Variants in BACH2 observed in about 807,000 individuals in gnomAD.
BACH2 encodes BACH transcriptional regulator 2.
Under a neutral mutation model 61.8 loss-of-function variants are expected in BACH2, and 5 were observed. That is an observed-to-expected ratio of 0.08 (90% CI 0.04 to 0.17). The LOEUF is 0.17. BACH2 is among the 10% of genes least tolerant of loss of function. The probability of loss-of-function intolerance (pLI) is 1.00; values close to 1 mark genes in which losing one functional copy is unlikely to be tolerated. For synonymous variants in BACH2, 446 were observed against 440.1 expected, an observed-to-expected ratio of 1.01 and a Z score of -0.17; for missense variants, 824 against 1,091.1, an observed-to-expected ratio of 0.76 and a Z score of 3.45.
intron 5 of BACH2, among the ~76,000 whole-genome samples, chr6:90,019,856 C>T (rs1416676708): frequency 3.3e-5 from 5 of 152,124 alleles, no homozygotes; most frequent in Admixed American, 3.3e-4. Context: ...GCTAACAGGG[C>T]AGGTTTAGAA....
chr6:90,070,506 T>C (rs192701824), intron 5 of BACH2, among the ~76,000 whole-genome samples: 69 of 152,166 alleles, frequency 4.5e-4, no homozygotes, highest in African/African-American at 1.5e-3. Context: ...GCGGTTGGGG[T>C]TGATGTCCCA....
chr6:90,074,278 G>A (rs780271755), intron 5 of BACH2, among the ~76,000 whole-genome samples: 9 of 152,146 alleles, frequency 5.9e-5, no homozygotes, highest in Non-Finnish European at 1.3e-4. Context: ...ATAGCCTTAT[G>A]TCATATGTGA....
intron 6 of BACH2, among the ~76,000 whole-genome samples, chr6:89,978,633 TAAAAAA>T (rs753724278): frequency 8.1e-5 from 7 of 86,036 alleles, no homozygotes; most frequent in Admixed American, 5.8e-4. Context: ...GTGTTGGCTT[TAAAAAA>T]AAAAAAAAAA....
intron 4 of BACH2, among the ~76,000 whole-genome samples, chr6:90,197,472 G>A (rs1768799011): frequency 6.6e-6 from 1 of 152,158 alleles, no homozygotes; most frequent in South Asian, 2.1e-4. Context: ...TCTCTTAATT[G>A]TATCTATTAA....
chr6:90,291,755 G>C (rs973726008), intron 1 of BACH2, among the ~76,000 whole-genome samples: 1 of 152,092 alleles, frequency 6.6e-6, no homozygotes, highest in African/African-American at 2.4e-5. Context: ...GGACAGCAGA[G>C]GTCATATATT....
chr6:90,082,424 A>G (rs1371636336), intron 5 of BACH2, among the ~76,000 whole-genome samples: 2 of 152,090 alleles, frequency 1.3e-5, no homozygotes, highest in African/African-American at 2.4e-5. Flanking sequence ...TTCTTATAAG[A>G]GCTGATTAAT....
chr6:90,161,471 T>C (rs578137114), intron 4 of BACH2, among the ~76,000 whole-genome samples: 7 of 152,322 alleles, frequency 4.6e-5, no homozygotes, highest in African/African-American at 1.4e-4. Flanking sequence ...TCACTATTCA[T>C]GATTTGCCCC....
At chr6:90,112,044 A>G (rs1783195532) in intron 4 of BACH2, among the ~76,000 whole-genome samples, 1 of 152,196 alleles carries the variant, frequency 6.6e-6, no homozygotes, top group South Asian at 2.1e-4. Context: ...ATACTTTGCC[A>G]TGTCAAATTT....
intron 5 of BACH2, among the ~76,000 whole-genome samples, chr6:90,086,189 T>C (rs1269813579): frequency 1.3e-5 from 2 of 152,206 alleles, no homozygotes; most frequent in African/African-American, 4.8e-5. Context: ...TAATATTCCA[T>C]TGTATGTATT....
intron 4 of BACH2, among the ~76,000 whole-genome samples, chr6:90,140,711 CAT>C (rs1784431120): frequency 6.6e-6 from 1 of 152,150 alleles, no homozygotes; most frequent in East Asian, 1.9e-4. Flanking sequence ...ATAAAACAAA[CAT>C]ATTCTACAGC....
intron 6 of BACH2, among the ~76,000 whole-genome samples, chr6:90,006,541 G>A (rs148554280): frequency 6.6e-6 from 1 of 152,314 alleles, no homozygotes; most frequent in Non-Finnish European, 1.5e-5. Context: ...TATGTGGAGT[G>A]GTAATGGAGC....
chr6:90,123,976 T>C (rs1382532683), intron 4 of BACH2, among the ~76,000 whole-genome samples: 1 of 152,118 alleles, frequency 6.6e-6, no homozygotes, highest in African/African-American at 2.4e-5. Flanking sequence ...GATGGCTGCA[T>C]GGGGCCAGAC....
chr6:89,928,716 C>A lies in BACH2; in HGVS notation c.*3692G>T, dbSNP rs1160722611. ...TATAGTGCATCTTAAAAGCAGCAAACCTTTAGAAAGACAGTTAATAAATTA... is the reference window on the plus strand; with the variant it reads ...TATAGTGCATCTTAAAAGCAGCAAAACTTTAGAAAGACAGTTAATAAATTA... On this transcript the variant is annotated 3_prime_UTR_variant, in exon 9 of 9. Coordinates refer to ENST00000257749, the MANE Select transcript of BACH2 (RefSeq NM_021813.4). 8.5e-5 allele frequency: 13 copies of A among 152,640 alleles called. No homozygotes were observed. Among genetic ancestry groups the A allele is most frequent in the Admixed American group, 8.5e-4 (13 of 15,276 alleles). The allele number at this position is 152,640 out of a possible 1,614,324, so 9.5% of individuals were successfully genotyped here. A position where few individuals can be genotyped will look rare whatever the true frequency, so the allele number is the denominator to read the frequency against.
intron 4 of BACH2, among the ~76,000 whole-genome samples, chr6:90,196,638 C>CT (rs1016305760): frequency 2.6e-5 from 4 of 151,380 alleles, no homozygotes; most frequent in African/African-American, 4.9e-5. Context: ...TCACCCAACA[C>CT]TTTTTTTTTC....
intron 5 of BACH2, among the ~76,000 whole-genome samples, chr6:90,033,270 C>T (rs1298228405): frequency 6.6e-6 from 1 of 150,724 alleles, no homozygotes; most frequent in African/African-American, 2.4e-5. Context: ...TGACGTGTTA[C>T]TGGATGCAGC....
intron 2 of BACH2, among the ~76,000 whole-genome samples, chr6:90,269,420 C>A (rs1175781517): frequency 1.3e-5 from 2 of 152,150 alleles, no homozygotes; most frequent in African/African-American, 4.8e-5. Context: ...ATACAAATTT[C>A]TTCTCCCCTT....
In BACH2 at chr6:90,141,863, T is replaced by A. The variant is rs1784473028; in HGVS notation, c.-161-52754A>T. 3.9e-5 allele frequency among the ~76,000 whole-genome samples: 6 copies of A among 152,206 alleles called. No homozygotes were observed. The South Asian group carries it at 1.2e-3, about 31-fold the overall frequency. ...TGGGAGGCCAAGGAGGGCAGACCAC[T>A]TAAGGCCAGGAGTTCGAGACCAACC... is the stretch of plus-strand genomic sequence containing the variant. On this transcript the variant is annotated intron_variant, in intron 4 of 8. Transcript: ENST00000257749.
At chr6:90,055,584 C>T (rs904670691) in intron 5 of BACH2, among the ~76,000 whole-genome samples, 1 of 150,002 alleles carries the variant, frequency 6.7e-6, no homozygotes, top group Non-Finnish European at 1.5e-5. Context: ...CCCAATGTAG[C>T]AAGGCAGGCC....
At chr6:90,214,487 G>A (rs747377878) in intron 3 of BACH2, among the ~76,000 whole-genome samples, 4 of 152,154 alleles carry the variant, frequency 2.6e-5, no homozygotes, top group Non-Finnish European at 5.9e-5. Context: ...TTAAAGAAGC[G>A]TTAAGGGGGC....
Sources: gnomAD v4.1 joint callset for allele counts (sites outside exome capture counted in the v4.1 genomes callset) on GRCh38, gnomAD v4.1.1 for gene constraint, MANE v1.5 for transcripts, NCBI Gene and HGNC (gene_info 2026-07-23, HGNC 2026-07-21) for gene names.